RBPJ: variants seen among roughly 807,000 people sequenced by gnomAD.
The protein encoded by RBPJ is recombining binding protein suppressor of hairless.
Under a neutral mutation model 67.8 loss-of-function variants are expected in RBPJ, and 9 were observed. The ratio of observed to expected loss-of-function variants is 0.13; its 90% confidence interval spans 0.08 to 0.23. The LOEUF (loss-of-function observed/expected upper bound fraction) is 0.23, where lower values mean the gene tolerates loss of function less well. Ranked by LOEUF, RBPJ falls within the 10% of genes least tolerant of loss-of-function variation. The probability of loss-of-function intolerance (pLI) is 1.00; values close to 1 mark genes in which losing one functional copy is unlikely to be tolerated. For missense variants in RBPJ, 305 were observed against 595.6 expected (o/e 0.51, Z 5.08); for synonymous variants, 198 against 203.3 (o/e 0.97, Z 0.22).
intron 1 of RBPJ, among the ~76,000 whole-genome samples, chr4:26,286,940 C>T (rs183553782): frequency 1.3e-5 from 2 of 152,148 alleles, no homozygotes; most frequent in African/African-American, 2.4e-5. Flanking sequence ...GGATGCACCA[C>T]CACGCCTGGC....
chr4:26,331,948 C>A (rs75680037), intron 1 of RBPJ, among the ~76,000 whole-genome samples: 9 of 152,176 alleles, frequency 5.9e-5, no homozygotes, highest in African/African-American at 1.9e-4. Context: ...GAAAGATGAT[C>A]TGGTTTATGA....
At chr4:26,356,548 A>G (rs2109471067) in intron 1 of RBPJ, among the ~76,000 whole-genome samples, 1 of 152,392 alleles carries the variant, frequency 6.6e-6, no homozygotes, top group South Asian at 2.1e-4. Context: ...AATACATAAA[A>G]GTGTATAAAT....
chr4:26,411,235 A>T (rs960797184), intron 3 of RBPJ, among the ~76,000 whole-genome samples: 1 of 152,176 alleles, frequency 6.6e-6, no homozygotes, highest in African/African-American at 2.4e-5. Flanking sequence ...ACATAGTGAA[A>T]GTCTGACTCT....
At chr4:26,202,026 T>C (rs1011971274) in intron 1 of RBPJ, among the ~76,000 whole-genome samples, 1 of 152,200 alleles carries the variant, frequency 6.6e-6, no homozygotes, top group African/African-American at 2.4e-5. Flanking sequence ...AAACTTTCTT[T>C]CCCATTCTCT....
intron 1 of RBPJ, chr4:26,323,019 G>A (rs1482220742): frequency 7.3e-6 from 1 of 136,798 alleles, no homozygotes; most frequent in Admixed American, 7.2e-5. Context: ...ATAGTGAAGT[G>A]TTGTTGATAG....
intron 2 of RBPJ, among the ~76,000 whole-genome samples, chr4:26,404,984 T>A (rs923359714): frequency 6.6e-5 from 10 of 152,230 alleles, no homozygotes; most frequent in Admixed American, 2.0e-4. Flanking sequence ...TTAATTACAA[T>A]TTGGACTTTG....
intron 1 of RBPJ, among the ~76,000 whole-genome samples, chr4:26,203,725 A>G (rs1396516945): frequency 6.6e-6 from 1 of 152,252 alleles, no homozygotes; most frequent in Non-Finnish European, 1.5e-5. Flanking sequence ...ACATGCTTTC[A>G]TCTCAACAAA....
At chr4:26,349,729 C>T (rs1726597813) in intron 1 of RBPJ, among the ~76,000 whole-genome samples, 1 of 152,200 alleles carries the variant, frequency 6.6e-6, no homozygotes, top group Non-Finnish European at 1.5e-5. Flanking sequence ...AGATAAACAG[C>T]AGACCTCCAT....
At chr4:26,328,833 G>T (rs1336707130) in intron 1 of RBPJ, among the ~76,000 whole-genome samples, 1 of 152,050 alleles carries the variant, frequency 6.6e-6, no homozygotes, top group Non-Finnish European at 1.5e-5. Context: ...CATTTTTTTT[G>T]TACAGACAGC....
chr4:26,370,602 T>C (rs1023782539), intron 1 of RBPJ, among the ~76,000 whole-genome samples: 5 of 152,166 alleles, frequency 3.3e-5, no homozygotes, highest in African/African-American at 1.2e-4. Context: ...CTTTCAAAAA[T>C]GTGGATTATC....
chr4:26,205,657 G>C (rs1042329989), intron 1 of RBPJ, among the ~76,000 whole-genome samples: 1 of 152,046 alleles, frequency 6.6e-6, no homozygotes, highest in Non-Finnish European at 1.5e-5. Context: ...CAGCGGTACA[G>C]TCTCAGCTCA....
rs566355020 is a variant in RBPJ at position 26,259,667 on chromosome 4, T to C, written c.-167+96053T>C. Among the ~76,000 whole-genome samples the C allele has an allele frequency of 7.2e-5, 11 of 152,340 alleles. No individual in the cohort carries two copies. The South Asian group carries it at 2.3e-3, about 32-fold the overall frequency. ...ACAGTGGAAATTTGCTTAACCTCAA[T>C]TTTGTAGTCAGAATTGTGTAAGTTG... On this transcript the variant is annotated intron_variant, in intron 1 of 4. Coordinates refer to the RBPJ transcript ENST00000512351.
chr4:26,349,820 C>T (rs1171858792), intron 1 of RBPJ, among the ~76,000 whole-genome samples: 1 of 152,210 alleles, frequency 6.6e-6, no homozygotes, highest in African/African-American at 2.4e-5. Flanking sequence ...ATTACATCGG[C>T]AGTACTTTGT....
intron 1 of RBPJ, among the ~76,000 whole-genome samples, chr4:26,191,224 GAGAGAGAGAGAGAGAGAT>G (rs1717525632): frequency 8.1e-6 from 1 of 123,586 alleles, no homozygotes; most frequent in South Asian, 2.5e-4. Context: ...GAGAGAGAGA[GAGAGAGAGAGAGAGAGAT>G]AGAGAGAGAG....
chr4:26,376,591 A>G (rs1435109427), intron 1 of RBPJ, among the ~76,000 whole-genome samples: 3 of 152,226 alleles, frequency 2.0e-5, no homozygotes, highest in Non-Finnish European at 4.4e-5. Flanking sequence ...TACTATGAAT[A>G]TTAGTGTACA....
the RBPJ span, among the ~76,000 whole-genome samples, chr4:26,126,557 T>C: frequency 6.6e-6 from 1 of 152,220 alleles, no homozygotes; most frequent in African/African-American, 2.4e-5. Context: ...GCTCTAGCTG[T>C]AGGTTATAGT....
chr4:26,146,266 C>T, the RBPJ span, among the ~76,000 whole-genome samples: 229 of 152,276 alleles, frequency 1.5e-3, 1 homozygote, highest in South Asian at 0.016. Context: ...TGATTTTCAA[C>T]AAAAGTGCCA....
the RBPJ span, among the ~76,000 whole-genome samples, chr4:26,143,133 T>G: frequency 6.6e-6 from 1 of 152,212 alleles, no homozygotes; most frequent in Non-Finnish European, 1.5e-5. Context: ...AATAATATGA[T>G]TAAATAAGGA....
chr4:26,391,327 A>G (rs573400224), intron 2 of RBPJ, among the ~76,000 whole-genome samples: 122 of 152,338 alleles, frequency 8.0e-4, no homozygotes, highest in African/African-American at 2.7e-3. Context: ...GTGGCCAGAA[A>G]TAGTTCTTCA....
Sources: gnomAD v4.1 joint callset for allele counts (sites outside exome capture counted in the v4.1 genomes callset) on GRCh38, gnomAD v4.1.1 for gene constraint, MANE v1.5 for transcripts, NCBI Gene and HGNC (gene_info 2026-07-23, HGNC 2026-07-21) for gene names.